MBP: variants seen among roughly 807,000 people sequenced by gnomAD.
MBP encodes the protein myelin basic protein, also known as Golli-MBP.
MBP carries 16 observed loss-of-function variants against 35.8 expected under a neutral mutation model. The observed-to-expected ratio is 0.45, with a 90% CI of 0.30 to 0.68. MBP has a LOEUF of 0.68. Among genes scored for constraint, MBP ranks in the 30% least tolerant of loss-of-function variants. The probability of loss-of-function intolerance (pLI) is 0.08; values close to 1 mark genes in which losing one functional copy is unlikely to be tolerated. For missense variants in MBP, 380 were observed against 404.7 expected (o/e 0.94, Z 0.52); for synonymous variants, 143 against 159.6 (o/e 0.90, Z 0.78).
intron 2 of MBP, among the ~76,000 whole-genome samples, chr18:77,081,799 T>TACACACACACAC: frequency 1.4e-5 from 2 of 138,830 alleles, no homozygotes; most frequent in African/African-American, 5.3e-5. Context: ...CACACGTATA[T>TACACACACACAC]ATATATGCAC....
intron 1 of MBP, among the ~76,000 whole-genome samples, chr18:77,126,073 A>G (rs1417220457): frequency 1.3e-5 from 2 of 152,206 alleles, no homozygotes; most frequent in Non-Finnish European, 2.9e-5. Flanking sequence ...AACTCATTTT[A>G]TGAGGCCAGT....
intron 4 of MBP, among the ~76,000 whole-genome samples, chr18:76,992,896 G>A (rs776962980): frequency 7.9e-5 from 12 of 152,144 alleles, no homozygotes; most frequent in Non-Finnish European, 1.5e-4. Flanking sequence ...TCTTCCATGT[G>A]GATGGGCTGT....
At chr18:77,016,464 C>T in intron 4 of MBP, 1 of 1,088,350 alleles carries the variant, frequency 9.2e-7, no homozygotes, top group Non-Finnish European at 1.1e-6. Flanking sequence ...GTGTGGGCTG[C>T]AGAGGCAACA....
intron 1 of MBP, chr18:77,114,592 GTCAT>G (rs1194184315): frequency 1.2e-4 from 19 of 152,348 alleles, no homozygotes; most frequent in African/African-American, 4.6e-4. Flanking sequence ...AAATAGCGAG[GTCAT>G]GAGGAAACCA....
intron 1 of MBP, among the ~76,000 whole-genome samples, chr18:77,111,727 T>A (rs1221074891): frequency 1.3e-5 from 2 of 152,196 alleles, no homozygotes; most frequent in Non-Finnish European, 2.9e-5. Flanking sequence ...CAGTAAGAGC[T>A]GTAGACACCG....
intron 3 of MBP, among the ~76,000 whole-genome samples, chr18:77,047,961 A>C (rs1440235309): frequency 6.6e-6 from 1 of 152,212 alleles, no homozygotes; most frequent in Non-Finnish European, 1.5e-5. Flanking sequence ...CACTAAGACC[A>C]ATTCACCCCA....
At chr18:77,021,772 C>T (rs770257457) in intron 3 of MBP, among the ~76,000 whole-genome samples, 21 of 152,154 alleles carry the variant, frequency 1.4e-4, no homozygotes, top group African/African-American at 4.1e-4. Flanking sequence ...TGTGAGCCAC[C>T]GTGCCCAGCC....
intron 2 of MBP, among the ~76,000 whole-genome samples, chr18:77,079,990 G>C (rs1949441961): frequency 6.6e-6 from 1 of 152,094 alleles, no homozygotes; most frequent in South Asian, 2.1e-4. Flanking sequence ...TATTTTATGT[G>C]GATGGAAAAA....
chr18:77,083,676 A>T (rs1975070861), intron 2 of MBP, among the ~76,000 whole-genome samples: 1 of 152,262 alleles, frequency 6.6e-6, no homozygotes. Context: ...ATAGATAAAA[A>T]AGAATAAAGC....
At chr18:76,991,067 A>G (rs1033444091) in intron 4 of MBP, among the ~76,000 whole-genome samples, 2 of 152,188 alleles carry the variant, frequency 1.3e-5, no homozygotes, top group African/African-American at 4.8e-5. Flanking sequence ...GGAAATACAC[A>G]CAGAAAAACA....
chr18:77,081,819 TACACACACACACACACACACAC>T (rs763116257), intron 2 of MBP, among the ~76,000 whole-genome samples: 1 of 76,258 alleles, frequency 1.3e-5, no homozygotes, highest in Non-Finnish European at 2.8e-5. Flanking sequence ...CACACATATA[TACACACACACACACACACACAC>T]ATATATATAT....
At chr18:77,116,165 T>G (rs541424246) in intron 1 of MBP, among the ~76,000 whole-genome samples, 1 of 151,872 alleles carries the variant, frequency 6.6e-6, no homozygotes, top group East Asian at 1.9e-4. Flanking sequence ...TGTGCAGCAC[T>G]TTACTGGGCA....
intron 2 of MBP, among the ~76,000 whole-genome samples, chr18:77,104,869 C>T (rs777357384): frequency 6.6e-6 from 1 of 152,144 alleles, no homozygotes; most frequent in Non-Finnish European, 1.5e-5. Flanking sequence ...GTCTTCCTCT[C>T]CTCCTGGTTT....
intron 4 of MBP, chr18:77,005,644 T>A (rs1970921449): frequency 6.6e-6 from 1 of 152,260 alleles, no homozygotes; most frequent in African/African-American, 2.4e-5. Context: ...GGGATTGATA[T>A]GAGGTTCACC....
intron 3 of MBP, among the ~76,000 whole-genome samples, chr18:77,059,251 C>T (rs1973866864): frequency 6.6e-6 from 1 of 152,000 alleles, no homozygotes; most frequent in African/African-American, 2.4e-5. Flanking sequence ...TATTAAGGAG[C>T]TATTTTAAAA....
At position 77,033,793 on chromosome 18, in the gene MBP, T is replaced by TCCATCCATCCATCCAC. The variant is rs56663795; in HGVS notation, c.140-16526_140-16525insGTGGATGGATGGATGG. On this transcript the variant is annotated intron_variant, in intron 3 of 8. Transcript: ENST00000355994. ...ATCCATCCATCCATCCATCCATCCA[T>TCCATCCATCCATCCAC]CCACCCACTCACCCATCCACACACC... 7.6e-3 allele frequency among the ~76,000 whole-genome samples: 1,087 copies of TCCATCCATCCATCCAC among 143,738 alleles called. 12 individuals carry two copies. The highest frequency in any genetic ancestry group is 0.031 in the Admixed American group (450 of 14,318). The allele number at this position is 143,738 out of a possible 152,430, so 94.3% of individuals were successfully genotyped here. A position where few individuals can be genotyped will look rare whatever the true frequency, so the allele number is the denominator to read the frequency against.
At chr18:77,014,352 G>T in intron 4 of MBP, 3 of 985,422 alleles carry the variant, frequency 3.0e-6, no homozygotes, top group Non-Finnish European at 3.6e-6. Flanking sequence ...CCTTTTATAG[G>T]GTCATGGGGG....
chr18:77,107,584 G>A (rs754754197), intron 1 of MBP, among the ~76,000 whole-genome samples: 3 of 152,224 alleles, frequency 2.0e-5, no homozygotes, highest in Non-Finnish European at 2.9e-5. Flanking sequence ...TGGGCAAGGG[G>A]CTCTTGAACG....
intron 1 of MBP, among the ~76,000 whole-genome samples, chr18:77,126,656 A>G (rs915652666): frequency 2.6e-5 from 4 of 152,212 alleles, no homozygotes; most frequent in Admixed American, 6.5e-5. Flanking sequence ...ACCAAAAAAA[A>G]TCCTCCTAGA....
Sources: gnomAD v4.1 joint callset for allele counts (sites outside exome capture counted in the v4.1 genomes callset) on GRCh38, gnomAD v4.1.1 for gene constraint, MANE v1.5 for transcripts, NCBI Gene and HGNC (gene_info 2026-07-23, HGNC 2026-07-21) for gene names.